The following ATAD3A variants were observed in gnomAD, a reference collection of about 807,000 sequenced individuals.
The protein encoded by ATAD3A is ATPase family AAA domain-containing protein 3A.
In ATAD3A, 46 loss-of-function variants were observed where a neutral mutation model predicts 73.8. The observed-to-expected ratio is 0.62, with a 90% CI of 0.49 to 0.80. The LOEUF (loss-of-function observed/expected upper bound fraction) is 0.80. Ranked by LOEUF, ATAD3A falls within the 30% of genes least tolerant of loss-of-function variation. The pLI is 0.00. For missense variants in ATAD3A, 705 were observed against 838.0 expected, an observed-to-expected ratio of 0.84 and a Z score of 1.96; for synonymous variants, 319 against 350.0, an observed-to-expected ratio of 0.91 and a Z score of 0.99.
chr1:1,526,691 G>A (rs1695869), intron 13 of ATAD3A, among the ~76,000 whole-genome samples, 160 bp downstream of exon 13: 15 of 152,092 alleles, frequency 9.9e-5, no homozygotes, highest in African/African-American at 1.2e-4. Flanking sequence ...GGCCCAGCTC[G>A]GGACAGCACG....
intron 15 of ATAD3A, among the ~76,000 whole-genome samples, chr1:1,530,103 A>G (rs899977774): frequency 3.3e-5 from 5 of 152,196 alleles, no homozygotes; most frequent in African/African-American, 4.8e-5. Context: ...CGGGGTTCAC[A>G]GGGGGCTGTA....
intron 4 of ATAD3A, among the ~76,000 whole-genome samples, chr1:1,518,666 TACAC>T (rs113798902): frequency 0.11 from 4,250 of 39,862 alleles, 1 homozygote; most frequent in Middle Eastern, 0.28. Context: ...CCCGCACGGG[TACAC>T]ACACACACAC....
At chr1:1,527,569 C>A in intron 13 of ATAD3A, 126 bp from the exon 14 acceptor site, 1 of 1,303,656 alleles carries the variant, frequency 7.7e-7, no homozygotes, top group Non-Finnish European at 1.0e-6. Flanking sequence ...CCGACCAGGG[C>A]TGTGCCCGTG....
At chr1:1,519,959 G>A (rs1641522895) in intron 5 of ATAD3A, among the ~76,000 whole-genome samples, 182 bp from the exon 6 acceptor site, 1 of 152,250 alleles carries the variant, frequency 6.6e-6, no homozygotes, top group African/African-American at 2.4e-5. Context: ...CCTGTCCGTG[G>A]CCTTAGCCTG....
rs1015830918 is a variant in ATAD3A, at chr1:1,534,159, C to T, written c.*87C>T. 3.9e-5 allele frequency: 62 copies of T among 1,603,430 alleles called. No homozygotes were observed. In the Admixed American group the frequency reaches 8.4e-4, roughly 22 times the overall value. The stretch of plus-strand genomic sequence containing the variant: ...CCGGCCCCTGCACATTTAGGATATG[C>T]TCCTGGGTGGGGACTGGGCTGTGCC... On this transcript the variant is annotated 3_prime_UTR_variant, in exon 16 of 16. Coordinates refer to ENST00000378756, the MANE Select transcript of ATAD3A (RefSeq NM_001170535.3).
intron 5 of ATAD3A, 88 bp downstream of exon 5, chr1:1,519,078 C>T (rs1449592754): frequency 3.0e-5 from 49 of 1,607,776 alleles, no homozygotes; most frequent in Middle Eastern, 1.7e-4. Context: ...TTCTGCCGCC[C>T]GGCCCCTCAT....
intron 1 of ATAD3A, among the ~76,000 whole-genome samples, chr1:1,513,210 C>T (rs1225783273): frequency 1.3e-5 from 2 of 152,202 alleles, no homozygotes; most frequent in East Asian, 1.9e-4. Context: ...TTCAGGGCAC[C>T]TCGGAGGACA....
intron 14 of ATAD3A, among the ~76,000 whole-genome samples, 190 bp downstream of exon 14, chr1:1,528,052 C>A (rs552285519): frequency 6.6e-6 from 1 of 151,892 alleles, no homozygotes; most frequent in Non-Finnish European, 1.5e-5. Context: ...CTCTGCCTCC[C>A]GGGTTCAAAC....
intron 1 of ATAD3A, among the ~76,000 whole-genome samples, chr1:1,515,626 C>T (rs1414562979): frequency 1.3e-5 from 2 of 152,146 alleles, no homozygotes; most frequent in African/African-American, 2.4e-5. Flanking sequence ...CCTGCATGTG[C>T]TTGATAGCAG....
intron 12 of ATAD3A, 106 bp from the exon 13 acceptor site, chr1:1,526,355 C>G: frequency 6.4e-7 from 1 of 1,564,136 alleles, no homozygotes; most frequent in Non-Finnish European, 8.7e-7. Context: ...ATGAAAGTGT[C>G]GCCATGTCCC....
At chr1:1,517,463 C>T (rs1229243173) in intron 3 of ATAD3A, 51 bp downstream of exon 3, 1 of 1,392,070 alleles carries the variant, frequency 7.2e-7, no homozygotes, top group Admixed American at 2.2e-5. Context: ...GGGGAGCGGC[C>T]TGGGGCAGGA....
At chr1:1,525,170 G>T in intron 11 of ATAD3A, 70 bp from the exon 12 acceptor site, 2 of 1,604,286 alleles carry the variant, frequency 1.2e-6, no homozygotes, top group Non-Finnish European at 1.7e-6. Flanking sequence ...TGCTCCTGCC[G>T]CGGCCGGACG....
At chr1:1,513,457 G>A (rs1641261799) in intron 1 of ATAD3A, among the ~76,000 whole-genome samples, 1 of 150,820 alleles carries the variant, frequency 6.6e-6, no homozygotes, top group East Asian at 1.9e-4. Flanking sequence ...TCCAGTCCTG[G>A]CGGCCCCGGA....
chr1:1,527,949 T>C, intron 14 of ATAD3A, 87 bp downstream of exon 14: 1 of 1,393,144 alleles, frequency 7.2e-7, no homozygotes, highest in Non-Finnish European at 9.6e-7. Flanking sequence ...TTACAAACCT[T>C]TAACATTCCT....
Position 1,533,989 on chromosome 1 carries a change from G to C in ATAD3A, c.1678G>C (p.Asp560His). The C allele has an allele frequency of 6.2e-7, 1 of 1,613,626 alleles. No individual in the cohort carries two copies. ...GGCCATGATGGACACCCGCGTGCAA[G>C]ATGCTGTCCAGCAGCACCAGCAGAA... ...TEAMMDTRVQ[D>H]AVQQHQQKMC... is the part of the protein sequence containing the mutation. Residue 560 changes from aspartate (D) to histidine (H), a missense_variant, in exon 16 of 16, where the codon GAT (aspartate) becomes CAT (histidine). Transcript: ENST00000378756.
At chr1:1,515,743 C>T (rs1641333840) in intron 1 of ATAD3A, among the ~76,000 whole-genome samples, 1 of 152,192 alleles carries the variant, frequency 6.6e-6, no homozygotes, top group African/African-American at 2.4e-5. Flanking sequence ...GAAAGAGCCT[C>T]CTCCCGTCCA....
chr1:1,519,096 AG>A, intron 5 of ATAD3A, 106 bp downstream of exon 5: 1 of 1,598,042 alleles, frequency 6.3e-7, no homozygotes, highest in Non-Finnish European at 8.5e-7. Flanking sequence ...CATAGCTACC[AG>A]TGCAGTGGGC....
chr1:1,512,324 C>A lies in ATAD3A; in HGVS notation c.56C>A (p.Pro19Gln). 8.1e-7 allele frequency: 1 copy of A among 1,242,064 alleles called. No individual in the cohort carries two copies. Among genetic ancestry groups the A allele is most frequent in the East Asian group, 3.2e-5 (1 of 31,124 alleles). The allele number at this position is 1,242,064 out of a possible 1,614,324, so 76.9% of individuals were successfully genotyped here. ...CCCAAGGGTGAAGGCGCGGGGCCGC[C>A]GCCGCCTTTGCCGCCCGCGCAGCCC... ...KGPKGEGAGP[P>Q]PPLPPAQPGA... is the part of the protein sequence containing the mutation. Residue 19 changes from proline (P) to glutamine (Q), a missense_variant, in exon 1 of 16, where the codon CCG (proline) becomes CAG (glutamine). Physicochemically the swap from Pro to Gln is moderately conservative, Grantham distance 76 (BLOSUM62 -1). Around this residue, in one of 5 missense-constraint regions of ATAD3A, gnomAD observed 125 missense variants for 170.6 expected, o/e 0.73. Transcript: ENST00000378756.
chr1:1,523,538 C>G lies in ATAD3A; in HGVS notation c.934C>G (p.Gln312Glu). 2 of 1,613,002 alleles carry G rather than the reference C, an allele frequency of 1.2e-6. No individual in the cohort carries two copies. The highest frequency in any genetic ancestry group is 2.2e-5 in the East Asian group (1 of 44,872). ...QVSRRLLSRPQDALEGVVLSP... is the reference protein window; with the variant it reads ...QVSRRLLSRPEDALEGVVLSP... ...CAGCCGGCGGCTCCTCAGTCGACCC[C>G]AGGACGCGCTGGAGGGTGTTGTGCT... Residue 312 changes from glutamine (Q) to glutamate (E), a missense_variant, in exon 9 of 16, where the codon CAG (glutamine) becomes GAG (glutamate). By Grantham distance (29) the Gln-to-Glu change is conservative. This residue lies in a region of ATAD3A where 315 missense variants were observed against 334.1 expected (regional missense o/e 0.94). Coordinates refer to ENST00000378756, the MANE Select transcript of ATAD3A (RefSeq NM_001170535.3). The surrounding 1 kb of genome is among the most constrained non-coding windows in gnomAD (Gnocchi z 5.1).
Sources: gnomAD v4.1 joint callset for allele counts (sites outside exome capture counted in the v4.1 genomes callset) on GRCh38, gnomAD v4.1.1 for gene constraint, gnomAD v4.1.1 regional missense constraint, Gnocchi (gnomAD v3.1) non-coding constraint, MANE v1.5 for transcripts, NCBI Gene and HGNC (gene_info 2026-07-23, HGNC 2026-07-21) for gene names.